Variants in ZBED6 observed in about 807,000 individuals in gnomAD.
ZBED6 encodes zinc finger BED-type containing 6.
A neutral mutation model predicts 58.4 loss-of-function variants in ZBED6; 40 were observed. The observed-to-expected ratio is 0.68, with a 90% confidence interval of 0.53 to 0.89. ZBED6 has a LOEUF of 0.89. Ranked by LOEUF, ZBED6 falls within the 40% of genes least tolerant of loss-of-function variation. The pLI, the probability that ZBED6 is intolerant of heterozygous loss-of-function variation, is 0.00. For missense variants in ZBED6, 1,057 were observed against 1,003.9 expected, an observed-to-expected ratio of 1.05 and a Z score of -0.71; for synonymous variants, 439 against 350.6, an observed-to-expected ratio of 1.25 and a Z score of -2.82.
chr1:203,796,048 A>AC (rs1558083748), exon 1 of ZBED6: 1 of 7,798 alleles, frequency 1.3e-4, no homozygotes, highest in African/African-American at 5.0e-4. Context: ...CGTTCACCCC[A>AC]CCCCCACGGC....
At chr1:203,838,322 G>A (rs1171856078) in intron 10 of ZBED6, among the ~76,000 whole-genome samples, 1 of 152,206 alleles carries the variant, frequency 6.6e-6, no homozygotes, top group Non-Finnish European at 1.5e-5. Context: ...GATAAATTTT[G>A]TAACAGAGAA....
At chr1:203,818,358 A>G (rs551951816) in intron 2 of ZBED6, among the ~76,000 whole-genome samples, 2 of 152,272 alleles carry the variant, frequency 1.3e-5, no homozygotes, top group South Asian at 4.2e-4. Context: ...CACTCATGCC[A>G]GATCAAACGA....
intron 3 of ZBED6, among the ~76,000 whole-genome samples, chr1:203,821,106 A>G (rs1041059500): frequency 6.6e-6 from 1 of 152,120 alleles, no homozygotes; most frequent in African/African-American, 2.4e-5. Flanking sequence ...TGATTGGATC[A>G]TGGGGGCGGT....
intron 11 of ZBED6, among the ~76,000 whole-genome samples, chr1:203,843,392 G>C (rs1213443707): frequency 6.6e-6 from 1 of 152,104 alleles, no homozygotes; most frequent in Admixed American, 6.5e-5. Flanking sequence ...TGTGAAATTT[G>C]TATTAGATAG....
At chr1:203,829,966 A>G in intron 6 of ZBED6, 70 bp downstream of exon 6, 1 of 1,442,246 alleles carries the variant, frequency 6.9e-7, no homozygotes, top group South Asian at 1.2e-5. Context: ...GTTCACAATC[A>G]TTGACCTCCC....
At chr1:203,836,835 A>G (rs1233241538) in intron 9 of ZBED6, among the ~76,000 whole-genome samples, 1 of 152,176 alleles carries the variant, frequency 6.6e-6, no homozygotes, top group African/African-American at 2.4e-5. Flanking sequence ...TAACTAGTTG[A>G]TGACTTGGGT....
In ZBED6 at chr1:203,846,153, A is replaced by AT. The variant is rs548563871; in HGVS notation, c.*3742-1024dup. Among the ~76,000 whole-genome samples, 888 of 123,548 alleles carry AT rather than the reference A, an allele frequency of 7.2e-3. 12 individuals are homozygous for AT. The highest frequency in any genetic ancestry group is 0.046 in the East Asian group (177 of 3,832). The allele number at this position is 123,548 out of a possible 152,430, so 81.1% of individuals were successfully genotyped here. On this transcript the variant is annotated intron_variant, in intron 11 of 16. Transcript: ENST00000550078. ...AAAAAAAAGATTTTGAAAAGATATA[A>AT]TTTTTTTGGGGGGGGGGTTCATTAA... is the stretch of plus-strand genomic sequence containing the variant.
At chr1:203,854,077 AAG>A (rs1234842471) in exon 17 of ZBED6, 1 of 152,648 alleles carries the variant, frequency 6.6e-6, no homozygotes, top group Non-Finnish European at 1.5e-5. Flanking sequence ...CCCTTACAGA[AAG>A]AGAAATACTT....
intron 10 of ZBED6, 41 bp downstream of exon 10, chr1:203,838,105 T>A: frequency 1.3e-6 from 2 of 1,561,992 alleles, no homozygotes; most frequent in Non-Finnish European, 1.8e-6. Context: ...TATGTAATTA[T>A]GACACTTGTG....
intron 1 of ZBED6, among the ~76,000 whole-genome samples, chr1:203,813,687 A>G (rs961492347): frequency 1.3e-5 from 2 of 152,004 alleles, no homozygotes; most frequent in African/African-American, 2.4e-5. Flanking sequence ...CAGCAGGGCC[A>G]TTCTCCCTCT....
intron 16 of ZBED6, 59 bp downstream of exon 16, chr1:203,851,183 C>T: frequency 6.7e-7 from 1 of 1,481,490 alleles, no homozygotes; most frequent in Non-Finnish European, 9.4e-7. Context: ...TTTAGGCTCT[C>T]TAGAGAATAA....
intron 11 of ZBED6, among the ~76,000 whole-genome samples, chr1:203,841,629 C>T (rs1000754059): frequency 5.9e-5 from 9 of 152,190 alleles, no homozygotes; most frequent in Middle Eastern, 3.4e-3. Context: ...TCGACAAAAC[C>T]GCCTTTGTCA....
intron 11 of ZBED6, among the ~76,000 whole-genome samples, chr1:203,842,137 C>T (rs1434223745): frequency 6.6e-6 from 1 of 150,990 alleles, no homozygotes; most frequent in Non-Finnish European, 1.5e-5. Flanking sequence ...GGCGGAAGGG[C>T]TCCTCACATC....
In ZBED6 at chr1:203,846,115, CAA is replaced by C. The variant is rs34793133; in HGVS notation, c.*3742-1050_*3742-1049del. 1.2e-3 allele frequency among the ~76,000 whole-genome samples: 62 copies of C among 53,168 alleles called. 2 individuals are homozygous for C. The highest frequency in any genetic ancestry group is 5.3e-3 in the Admixed American group (23 of 4,358). 34.9% of individuals were successfully genotyped at this position (53,168 alleles called of 152,430 possible). A position where few individuals can be genotyped will look rare whatever the true frequency, so the allele number is the denominator to read the frequency against. On this transcript the variant is annotated intron_variant, in intron 11 of 16. Coordinates refer to ENST00000550078, the Ensembl canonical transcript of ZBED6. ...CCACATAACAAGACCTCGTCTTTAC[CAA>C]AAAAAAAAAAAAAAAAAAGATTTTG...
exon 1 of ZBED6, chr1:203,799,862 C>A (rs1669985926): frequency 1.3e-6 from 2 of 1,535,004 alleles, no homozygotes; most frequent in South Asian, 1.2e-5. Context: ...GTTTGGAAGA[C>A]TTTTTTCCTC....
At chr1:203,805,714 G>C in intron 1 of ZBED6, 2 of 662,240 alleles carry the variant, frequency 3.0e-6, no homozygotes, top group African/African-American at 1.8e-5. Flanking sequence ...TGCAGGTGCA[G>C]ATGCTGGCTC....
At chr1:203,815,871 A>G (rs1249501685) in intron 1 of ZBED6, among the ~76,000 whole-genome samples, 2 of 152,160 alleles carry the variant, frequency 1.3e-5, no homozygotes, top group Non-Finnish European at 2.9e-5. Flanking sequence ...TGCTTTTGTT[A>G]TATGCTTTTG....
intron 4 of ZBED6, 186 bp from the exon 5 acceptor site, chr1:203,829,254 CAGTGGAGAGTT>C (rs370098946): frequency 5.4e-4 from 330 of 608,306 alleles, no homozygotes; most frequent in African/African-American, 5.4e-3. Flanking sequence ...TGTTTATGTA[CAGTGGAGAGTT>C]AGTGGAGAGT....
chr1:203,799,382 C>T (rs1306673385), exon 1 of ZBED6: 2 of 703,400 alleles, frequency 2.8e-6, no homozygotes, highest in Admixed American at 4.0e-5. Context: ...GTCATTCGGT[C>T]AAGGCCCGTC....
Sources: gnomAD v4.1 joint callset for allele counts (sites outside exome capture counted in the v4.1 genomes callset) on GRCh38, gnomAD v4.1.1 for gene constraint, MANE v1.5 for transcripts, NCBI Gene and HGNC (gene_info 2026-07-23, HGNC 2026-07-21) for gene names.